Variants in MFSD6 observed in about 807,000 individuals in gnomAD.
MFSD6 encodes major facilitator superfamily domain containing 6.
In MFSD6, 26 loss-of-function variants were observed where a neutral mutation model predicts 56.3. The observed-to-expected ratio is 0.46, with a 90% CI of 0.34 to 0.64. The LOEUF is 0.64. Ranked by LOEUF, MFSD6 falls within the 30% of genes least tolerant of loss-of-function variation. The pLI, the probability that MFSD6 is intolerant of heterozygous loss-of-function variation, is 0.01. For synonymous variants in MFSD6, 331 were observed against 366.9 expected (o/e 0.90, Z 1.12); for missense variants, 750 against 986.2 (o/e 0.76, Z 3.21).
Position 190,501,432 on chromosome 2 carries a change from C to T in MFSD6, c.*1214C>T, listed in dbSNP as rs953398423. 1.3e-5 allele frequency: 2 copies of T among 152,112 alleles called. No individual in the cohort carries two copies. The highest frequency in any genetic ancestry group is 4.8e-5 in the African/African-American group (2 of 41,418). 9.4% of individuals were successfully genotyped at this position (152,112 alleles called of 1,614,324 possible). ...CAGCCAGAACAATGGCTGGGTGGAT[C>T]GCACGTAAAGCTTGCCACTAAAAAT... On this transcript the variant is annotated 3_prime_UTR_variant, in exon 8 of 8. Transcript: ENST00000392328.
upstream of MFSD6, among the ~76,000 whole-genome samples, chr2:190,407,984 G>A (rs987272294): frequency 2.6e-5 from 4 of 152,224 alleles, no homozygotes; most frequent in Non-Finnish European, 5.9e-5. The surrounding 1 kb of genome is among the most constrained non-coding windows in gnomAD (Gnocchi z 5.4). Context: ...GGGGGTGGAG[G>A]GTGCGGTAGG....
intron 2 of MFSD6, among the ~76,000 whole-genome samples, chr2:190,428,505 A>G (rs1685853950): frequency 6.6e-6 from 1 of 152,188 alleles, no homozygotes. Flanking sequence ...GCTTGGGACC[A>G]GGAGTATTTT....
intron 4 of MFSD6, chr2:190,477,401 G>T: frequency 1.0e-6 from 1 of 953,950 alleles, no homozygotes; most frequent in Non-Finnish European, 1.2e-6. Context: ...GAAAAGAAAT[G>T]ACTATATATT....
Position 190,437,614 on chromosome 2 carries a change from A to G in MFSD6, c.1532+53A>G. The G allele has an allele frequency of 6.4e-7, 1 of 1,557,810 alleles. No homozygotes were observed. Among genetic ancestry groups the G allele is most frequent in the Non-Finnish European group, 8.7e-7 (1 of 1,149,002 alleles). Reference sequence around the variant, plus strand: ...CTCAGCAATTGAACTTTATCTTTTTATGGTTTATAGCTCCTTCTACTACAA... The same window carrying G: ...CTCAGCAATTGAACTTTATCTTTTTGTGGTTTATAGCTCCTTCTACTACAA... On this transcript the variant is annotated intron_variant, in intron 3 of 7. Transcript: ENST00000392328. The surrounding 1 kb of genome is among the most constrained non-coding windows in gnomAD (Gnocchi z 5.9).
At chr2:190,452,763 G>A (rs1020934890) in intron 3 of MFSD6, among the ~76,000 whole-genome samples, 5 of 152,014 alleles carry the variant, frequency 3.3e-5, no homozygotes, top group African/African-American at 9.7e-5. Context: ...GTGCCCCCAC[G>A]TCCCCAAATT....
In MFSD6 at chr2:190,467,090, C is replaced by T. The variant is rs1351677199; in HGVS notation, c.1533-2668C>T. On this transcript the variant is annotated intron_variant, in intron 3 of 7. Coordinates refer to ENST00000392328, the MANE Select transcript of MFSD6 (RefSeq NM_017694.4). This position sits in a 1 kb window ranked among gnomAD's most constrained non-coding sequence, Gnocchi z 5.5. ...AGCTTCAGGATAGACAATTTGTGAA[C>T]ACTAGGAAAGTGGATTACCAACATT... Among the ~76,000 whole-genome samples, 2 of 152,168 alleles carry T rather than the reference C, an allele frequency of 1.3e-5. No homozygotes were observed. The highest frequency in any genetic ancestry group is 4.8e-5 in the African/African-American group (2 of 41,438).
chr2:190,413,165 G>T lies in MFSD6; in HGVS notation c.-175-2127G>T, dbSNP rs1284526955. Among the ~76,000 whole-genome samples, 1 of 152,068 alleles carries T rather than the reference G, an allele frequency of 6.6e-6. No homozygotes were observed. Among genetic ancestry groups the T allele is most frequent in the African/African-American group, 2.4e-5 (1 of 41,390 alleles). ...ATTCAAAGTAGCCTCTCCCTGCCTTGATCCATTATGATGTAAATCTAGCTG... is the reference window on the plus strand; with the variant it reads ...ATTCAAAGTAGCCTCTCCCTGCCTTTATCCATTATGATGTAAATCTAGCTG... On this transcript the variant is annotated intron_variant, in intron 1 of 7. Transcript: ENST00000392328. This position sits in a 1 kb window ranked among gnomAD's most constrained non-coding sequence, Gnocchi z 4.1.
intron 3 of MFSD6, among the ~76,000 whole-genome samples, chr2:190,468,644 A>C (rs935734007): frequency 7.0e-6 from 1 of 142,696 alleles, no homozygotes; most frequent in African/African-American, 2.6e-5. Flanking sequence ...TTTTTGGTAG[A>C]GACAGGTTCT....
In MFSD6 at chr2:190,489,934, A is replaced by T; in HGVS notation, c.1891+68A>T. The T allele has an allele frequency of 2.2e-6, 2 of 928,450 alleles. No homozygotes were observed. The highest frequency in any genetic ancestry group is 3.2e-6 in the Non-Finnish European group (2 of 626,096). The allele number at this position is 928,450 out of a possible 1,614,324, so 57.5% of individuals were successfully genotyped here. The stretch of plus-strand genomic sequence containing the variant: ...CCATGGGAAGTCAACAAATGCCCCG[A>T]GAAGCCTAGAAGTGGTACAGAGTAT... On this transcript the variant is annotated intron_variant, in intron 6 of 7. Coordinates refer to ENST00000392328, the MANE Select transcript of MFSD6 (RefSeq NM_017694.4). This position sits in a 1 kb window ranked among gnomAD's most constrained non-coding sequence, Gnocchi z 6.6.
At chr2:190,407,721 G>C (rs1001432667), upstream of MFSD6, among the ~76,000 whole-genome samples, 1 of 152,108 alleles carries the variant, frequency 6.6e-6, no homozygotes, top group Non-Finnish European at 1.5e-5. The surrounding 1 kb of genome is among the most constrained non-coding windows in gnomAD (Gnocchi z 5.4). Context: ...CTGAAAAAGG[G>C]TGCCTTCGTC....
intron 4 of MFSD6, among the ~76,000 whole-genome samples, chr2:190,479,062 A>T (rs1050581439): frequency 2.6e-5 from 4 of 152,198 alleles, no homozygotes; most frequent in South Asian, 4.1e-4. Flanking sequence ...CAGTTTCTTG[A>T]TTGTCCTCTC....
intron 3 of MFSD6, among the ~76,000 whole-genome samples, chr2:190,450,954 A>G (rs1011301809): frequency 2.0e-5 from 3 of 152,174 alleles, no homozygotes; most frequent in Non-Finnish European, 4.4e-5. Context: ...ATCCTCAGTG[A>G]TGCAGTGTTG....
chr2:190,492,778 C>T lies in MFSD6; in HGVS notation c.1891+2912C>T, dbSNP rs1450777707. Among the ~76,000 whole-genome samples the T allele has an allele frequency of 6.6e-6, 1 of 151,864 alleles. No homozygotes were observed. ...AGAATTCACCACTACCAAGCCAGCA[C>T]TCCAAGAACTACCAAGCCAGCACTC... On this transcript the variant is annotated intron_variant, in intron 6 of 7. Coordinates refer to ENST00000392328, the MANE Select transcript of MFSD6 (RefSeq NM_017694.4). This position sits in a 1 kb window ranked among gnomAD's most constrained non-coding sequence, Gnocchi z 5.2.
rs1205909895 is a variant in MFSD6, at chr2:190,463,490, A to T, written c.1533-6268A>T. On this transcript the variant is annotated intron_variant, in intron 3 of 7. Coordinates refer to ENST00000392328, the MANE Select transcript of MFSD6 (RefSeq NM_017694.4). This position sits in a 1 kb window ranked among gnomAD's most constrained non-coding sequence, Gnocchi z 4.4. ...GACATCTATAACAATTCTGAAAAAAAAATTTTTTTTAGGGACAAGTTTATA... is the reference window on the plus strand; with the variant it reads ...GACATCTATAACAATTCTGAAAAAATAATTTTTTTTAGGGACAAGTTTATA... Among the ~76,000 whole-genome samples, 2 of 152,170 alleles carry T rather than the reference A, an allele frequency of 1.3e-5. No individual in the cohort carries two copies. The highest frequency in any genetic ancestry group is 2.9e-5 in the Non-Finnish European group (2 of 68,034).
chr2:190,499,957 A>G lies in MFSD6; in HGVS notation c.2173-58A>G. The G allele has an allele frequency of 6.2e-7, 1 of 1,606,366 alleles. No homozygotes were observed. Among genetic ancestry groups the G allele is most frequent in the Non-Finnish European group, 8.5e-7 (1 of 1,173,570 alleles). The stretch of plus-strand genomic sequence containing the variant: ...CTGTCTTACTTGAAAGCATATATAA[A>G]AAGTTGGATTTATTTGCTATCACTG... On this transcript the variant is annotated intron_variant, in intron 7 of 7. Coordinates refer to ENST00000392328, the MANE Select transcript of MFSD6 (RefSeq NM_017694.4). The surrounding 1 kb of genome is among the most constrained non-coding windows in gnomAD (Gnocchi z 6.0).
At position 190,467,345 on chromosome 2, in the gene MFSD6, G is replaced by C. The variant is rs1361054614; in HGVS notation, c.1533-2413G>C. On this transcript the variant is annotated intron_variant, in intron 3 of 7. Coordinates refer to ENST00000392328, the MANE Select transcript of MFSD6 (RefSeq NM_017694.4). The surrounding 1 kb of genome is among the most constrained non-coding windows in gnomAD (Gnocchi z 5.5). ...GCCAAGGTTAAGAATTAAGGAGCTG[G>C]CTCATGCCTGTAATTCCAGCATTTT... 6.6e-6 allele frequency among the ~76,000 whole-genome samples: 1 copy of C among 151,868 alleles called. No individual in the cohort carries two copies. Among genetic ancestry groups the C allele is most frequent in the Non-Finnish European group, 1.5e-5 (1 of 67,924 alleles).
At chr2:190,480,232 C>T (rs1688583760) in intron 4 of MFSD6, among the ~76,000 whole-genome samples, 1 of 152,184 alleles carries the variant, frequency 6.6e-6, no homozygotes, top group African/African-American at 2.4e-5. Context: ...GGAAGAAATA[C>T]TAGTTTTATT....
chr2:190,481,675 T>C (rs1688674418), intron 4 of MFSD6, among the ~76,000 whole-genome samples: 1 of 152,260 alleles, frequency 6.6e-6, no homozygotes. Context: ...TAGCAGGCTA[T>C]CTGGCACATA....
rs541077298 is a variant in MFSD6, at chr2:190,431,468, C to G, written c.-53-4509C>G. On this transcript the variant is annotated intron_variant, in intron 2 of 7. Transcript: ENST00000392328. The surrounding 1 kb of genome is among the most constrained non-coding windows in gnomAD (Gnocchi z 4.4). ...CTGCAATCCCGGCACCTCTGGAGGC[C>G]GAGGCTGGCGGATCACTCGCGATTA... Among the ~76,000 whole-genome samples, 10 of 152,344 alleles carry G rather than the reference C, an allele frequency of 6.6e-5. No individual in the cohort carries two copies. In the South Asian group the frequency reaches 8.3e-4, roughly 13 times the overall value.
Sources: gnomAD v4.1 joint callset for allele counts (sites outside exome capture counted in the v4.1 genomes callset) on GRCh38, gnomAD v4.1.1 for gene constraint, Gnocchi (gnomAD v3.1) non-coding constraint, MANE v1.5 for transcripts, NCBI Gene and HGNC (gene_info 2026-07-23, HGNC 2026-07-21) for gene names.